The following DEPTOR variants were observed in gnomAD, a reference collection of about 807,000 sequenced individuals.
The protein encoded by DEPTOR is DEP domain containing MTOR interacting protein, also known as DEP domain-containing mTOR-interacting protein.
DEPTOR carries 41 observed loss-of-function variants against 41.6 expected under a neutral mutation model. The observed-to-expected ratio is 0.98, with a 90% CI of 0.77 to 1.28. The LOEUF (loss-of-function observed/expected upper bound fraction) is 1.28. DEPTOR is among the 50% of genes most tolerant of loss of function. The pLI is 0.00. For synonymous variants in DEPTOR, 195 were observed against 192.3 expected, an observed-to-expected ratio of 1.01 and a Z score of -0.12; for missense variants, 514 against 527.9, an observed-to-expected ratio of 0.97 and a Z score of 0.26.
At chr8:119,906,333 G>A (rs1827663574) in intron 1 of DEPTOR, among the ~76,000 whole-genome samples, 1 of 151,074 alleles carries the variant, frequency 6.6e-6, no homozygotes, top group African/African-American at 2.4e-5. Context: ...GTGCATGTCT[G>A]TGGTCCCAGC....
At chr8:119,887,455 CCCCCT>C (rs1366138436) in intron 1 of DEPTOR, among the ~76,000 whole-genome samples, 215 of 6,974 alleles carry the variant, frequency 0.031, 55 homozygotes, top group South Asian at 0.058. Context: ...CCCTCCCGTT[CCCCCT>C]CCCCTCCCCT....
chr8:119,965,129 G>A (rs1432359319), intron 3 of DEPTOR, 103 bp from the exon 4 acceptor site: 8 of 1,273,556 alleles, frequency 6.3e-6, no homozygotes, highest in African/African-American at 1.5e-5. Context: ...GCATCTGTCT[G>A]TCTGACAACT....
In DEPTOR at chr8:119,873,955, G is replaced by C. The variant is rs550242889; in HGVS notation, c.109G>C (p.Gly37Arg). The C allele has an allele frequency of 1.2e-6, 2 of 1,613,418 alleles. No homozygotes were observed. Among genetic ancestry groups the C allele is most frequent in the African/African-American group, 1.3e-5 (1 of 74,870 alleles). Residue 37 changes from glycine (G) to arginine (R), a missense_variant, in exon 1 of 9, where the codon GGG becomes CGG. Coordinates refer to ENST00000286234, the MANE Select transcript of DEPTOR (RefSeq NM_022783.4). ...GCGCATGGCTGAGGTCTTGGTCACC[G>C]GGGAACAGCTACGGTAAGGCAAGAG... ...LERMAEVLVT[G>R]EQLRLRLHEE... is the part of the protein sequence containing the mutation.
At chr8:119,968,167 C>G (rs1475032686) in intron 4 of DEPTOR, among the ~76,000 whole-genome samples, 1 of 152,022 alleles carries the variant, frequency 6.6e-6, no homozygotes, top group Non-Finnish European at 1.5e-5. Flanking sequence ...GATGTGCTAT[C>G]TATTTCATTT....
rs111804626 is a variant in DEPTOR at position 119,895,840 on chromosome 8, C to T, written c.122+21872C>T. Among the ~76,000 whole-genome samples the T allele has an allele frequency of 1.3e-3, 199 of 152,276 alleles. 1 individual carries two copies. The highest frequency in any genetic ancestry group is 0.01 in the Middle Eastern group (3 of 294). On this transcript the variant is annotated intron_variant, in intron 1 of 8. Coordinates refer to ENST00000286234, the MANE Select transcript of DEPTOR (RefSeq NM_022783.4). ...CCAGGAAGAGGCATACCATTATTTC[C>T]ATGGTACAAATGCATTTTGACTTAC...
rs111457652 is a variant in DEPTOR at position 119,967,410 on chromosome 8, CCAACGTAGGT to C, written c.604+2003_604+2012del. ...TGGGAGTCTTATGACCTACAGTTAA[CCAACGTAGGT>C]CAGATAATTTCTTTATGGCCTGTTT... On this transcript the variant is annotated intron_variant, in intron 4 of 8. Transcript: ENST00000286234. 8.7e-3 allele frequency among the ~76,000 whole-genome samples: 1,320 copies of C among 151,914 alleles called. 24 individuals are homozygous for C. Among genetic ancestry groups the C allele is most frequent in the African/African-American group, 0.031 (1,265 of 41,442 alleles).
intron 1 of DEPTOR, among the ~76,000 whole-genome samples, chr8:119,886,427 G>A (rs1218751638): frequency 6.6e-6 from 1 of 151,838 alleles, no homozygotes; most frequent in Non-Finnish European, 1.5e-5. Context: ...CACAAGCCAA[G>A]GGGGCATCTC....
rs527411947 is a variant in DEPTOR, at chr8:120,009,082, C to G, written c.1050C>G (p.Cys350Trp). Residue 350 changes from cysteine to tryptophan, a missense_variant, in exon 8 of 9, where the codon TGC becomes TGG. Coordinates refer to ENST00000286234, the MANE Select transcript of DEPTOR (RefSeq NM_022783.4). Reference protein sequence around the residue: ...WGFVVRGSKPCHIQAVDPSGP... With the variant: ...WGFVVRGSKPWHIQAVDPSGP... ...TTGTGGTGCGAGGAAGTAAGCCATG[C>G]CACATCCAGGCTGTAGACCCCAGTG... 2 of 1,614,056 alleles carry G rather than the reference C, an allele frequency of 1.2e-6. No homozygotes were observed. The highest frequency in any genetic ancestry group is 1.3e-5 in the African/African-American group (1 of 75,032).
chr8:120,040,542 A>G (rs968368871), intron 8 of DEPTOR, among the ~76,000 whole-genome samples: 2 of 152,130 alleles, frequency 1.3e-5, no homozygotes, highest in African/African-American at 4.8e-5. Context: ...GAGAAGTCAT[A>G]CTTAGAATGG....
intron 4 of DEPTOR, among the ~76,000 whole-genome samples, chr8:119,993,448 C>T (rs1282410507): frequency 2.0e-5 from 3 of 152,096 alleles, no homozygotes; most frequent in African/African-American, 4.8e-5. Flanking sequence ...TTGGAAAGTC[C>T]CAGAAATTAT....
chr8:119,893,118 G>T (rs1827472735), intron 1 of DEPTOR, among the ~76,000 whole-genome samples: 2 of 152,174 alleles, frequency 1.3e-5, no homozygotes, highest in Admixed American at 6.5e-5. Context: ...TCTTTCAAGT[G>T]AAGGTATAGT....
At position 119,920,192 on chromosome 8, in the gene DEPTOR, C is replaced by G. The variant is rs568615748; in HGVS notation, c.123-8208C>G. Among the ~76,000 whole-genome samples the G allele has an allele frequency of 9.2e-5, 14 of 152,194 alleles. No individual in the cohort carries two copies. The South Asian group carries it at 2.9e-3, about 32-fold the overall frequency. On this transcript the variant is annotated intron_variant, in intron 1 of 8. Transcript: ENST00000286234. The stretch of plus-strand genomic sequence containing the variant: ...TCCCAATGGTTTAATGTGATTGGGA[C>G]TCTGTTGCTCAGAAAACTATTCTAT...
At chr8:119,983,979 C>A (rs1460341709) in intron 4 of DEPTOR, among the ~76,000 whole-genome samples, 2 of 152,074 alleles carry the variant, frequency 1.3e-5, no homozygotes, top group African/African-American at 4.8e-5. Context: ...AATATGGTAA[C>A]CTTCCTGGGA....
chr8:119,945,654 G>A (rs1828261885), intron 3 of DEPTOR, among the ~76,000 whole-genome samples: 1 of 152,182 alleles, frequency 6.6e-6, no homozygotes. Context: ...TGAATGCCAT[G>A]TTCAGCATGT....
chr8:119,968,030 T>C (rs529596810), intron 4 of DEPTOR, among the ~76,000 whole-genome samples: 200 of 152,228 alleles, frequency 1.3e-3, no homozygotes, highest in African/African-American at 4.4e-3. Flanking sequence ...CTAGCTCTGG[T>C]TTAAGTTCAC....
chr8:119,932,519 G>A (rs1828058326), intron 3 of DEPTOR, among the ~76,000 whole-genome samples: 1 of 152,178 alleles, frequency 6.6e-6, no homozygotes, highest in Non-Finnish European at 1.5e-5. Flanking sequence ...ACACAGCACT[G>A]TGTATCTCTG....
intron 1 of DEPTOR, among the ~76,000 whole-genome samples, chr8:119,926,576 G>C (rs1215384798): frequency 2.0e-5 from 3 of 152,166 alleles, no homozygotes; most frequent in African/African-American, 4.8e-5. Flanking sequence ...ATGGTTTGCT[G>C]TTTATCTGAA....
chr8:120,022,297 G>A (rs150679716), intron 8 of DEPTOR, among the ~76,000 whole-genome samples: 1 of 152,090 alleles, frequency 6.6e-6, no homozygotes, highest in Admixed American at 6.6e-5. Flanking sequence ...GTATCAGTGG[G>A]TTCATTTTTG....
At chr8:120,006,905 G>A (rs779558213) in intron 7 of DEPTOR, 30 bp downstream of exon 7, 43 of 1,611,390 alleles carry the variant, frequency 2.7e-5, no homozygotes, top group South Asian at 1.1e-4. Context: ...TTTTTCTCCC[G>A]TGCTGCCCAT....
Sources: gnomAD v4.1 joint callset for allele counts (sites outside exome capture counted in the v4.1 genomes callset) on GRCh38, gnomAD v4.1.1 for gene constraint, MANE v1.5 for transcripts, NCBI Gene and HGNC (gene_info 2026-07-23, HGNC 2026-07-21) for gene names.